The following CTSA variants were observed in gnomAD, a reference collection of about 807,000 sequenced individuals.
CTSA encodes lysosomal protective protein.
A neutral mutation model predicts 66.7 loss-of-function variants in CTSA; 42 were observed. The ratio of observed to expected loss-of-function variants is 0.63; its 90% CI spans 0.49 to 0.81. The LOEUF (loss-of-function observed/expected upper bound fraction) is 0.81. CTSA is among the 40% of genes least tolerant of loss of function. The probability of loss-of-function intolerance (pLI) is 0.00; values close to 1 mark genes in which losing one functional copy is unlikely to be tolerated. For missense variants in CTSA, 525 were observed against 610.9 expected (o/e 0.86, Z 1.48); for synonymous variants, 225 against 248.6 (o/e 0.91, Z 0.89).
rs951267740 is a variant in CTSA at position 45,898,628 on chromosome 20, C to T, written c.*178C>T. The T allele has an allele frequency of 4.1e-6, 3 of 725,556 alleles. No homozygotes were observed. In the African/African-American group the frequency reaches 5.2e-5, roughly 13 times the overall value. The allele number at this position is 725,556 out of a possible 1,614,324, so 44.9% of individuals were successfully genotyped here. ...GGGTCTCCCATAGACAGCCTGGGGG[C>T]AAGTTAGCACTTTATTCCCGCAGCA... On this transcript the variant is annotated 3_prime_UTR_variant, in exon 15 of 15. Transcript: ENST00000646241. The surrounding 1 kb of genome is among the most constrained non-coding windows in gnomAD (Gnocchi z 4.6).
Position 45,891,690 on chromosome 20 carries a change from T to G in CTSA, c.122T>G (p.Leu41Arg). 1 of 1,613,232 alleles carries G rather than the reference T, an allele frequency of 6.2e-7. No homozygotes were observed. Residue 41 changes from leucine (L) to arginine (R), a missense_variant, in exon 2 of 15, where the codon CTG becomes CGG. This residue lies in a region of CTSA where 246 missense variants were observed against 267.4 expected (regional missense o/e 0.92). Transcript: ENST00000646241. This position sits in a 1 kb window ranked among gnomAD's most constrained non-coding sequence, Gnocchi z 4.6. The part of the protein sequence containing the change: ...DQDEIQRLPG[L>R]AKQPSFRQYS... ...GACGAGATCCAGCGCCTCCCCGGGCTGGCCAAGCAGCCGTCTTTCCGCCAG... is the reference window on the plus strand; with the variant it reads ...GACGAGATCCAGCGCCTCCCCGGGCGGGCCAAGCAGCCGTCTTTCCGCCAG...
At chr20:45,895,663 CT>C (rs2083097106) in intron 11 of CTSA, among the ~76,000 whole-genome samples, 1 of 152,118 alleles carries the variant, frequency 6.6e-6, no homozygotes, top group Admixed American at 6.6e-5. Flanking sequence ...TCACTACAGC[CT>C]CAACCTCCTA....
chr20:45,895,370 G>C (rs1053264730), intron 11 of CTSA: 11 of 517,274 alleles, frequency 2.1e-5, no homozygotes, highest in African/African-American at 1.9e-4. Flanking sequence ...ACCTAGGCTG[G>C]AGTGCAGTGG....
chr20:45,898,040 C>CG lies in CTSA; in HGVS notation c.1294dup (p.Asp432GlyfsTer60). ...AGCGCCGGCCCTGGTTAGTGAAGTA[C>CG]GGGGACAGCGGGGAGCAGATTGCCG... On this transcript the variant is annotated frameshift_variant, in exon 14 of 15. Transcript: ENST00000646241. LOFTEE classifies it high-confidence loss of function. This position sits in a 1 kb window ranked among gnomAD's most constrained non-coding sequence, Gnocchi z 4.6. 6.2e-7 allele frequency: 1 copy of CG among 1,614,004 alleles called. No homozygotes were observed. Among genetic ancestry groups the CG allele is most frequent in the Non-Finnish European group, 8.5e-7 (1 of 1,179,990 alleles).
Position 45,898,408 on chromosome 20 carries a change from C to G in CTSA, c.1401C>G (p.Ala467=). The change falls in exon 15 of 15, where the codon GCC becomes GCG. Residue 467 remains alanine (A), a synonymous_variant. Coordinates refer to ENST00000646241, the MANE Select transcript of CTSA (RefSeq NM_000308.4). The surrounding 1 kb of genome is among the most constrained non-coding windows in gnomAD (Gnocchi z 4.6). The part of the protein sequence containing the change: ...HMVPTDKPLA[A]FTMFSRFLNK... The stretch of plus-strand genomic sequence containing the variant: ...TTCCCACCGACAAGCCCCTCGCTGC[C>G]TTCACCATGTTCTCCCGCTTCCTGA... 4.3e-6 allele frequency: 7 copies of G among 1,614,074 alleles called. No individual in the cohort carries two copies. The highest frequency in any genetic ancestry group is 5.9e-6 in the Non-Finnish European group (7 of 1,179,994).
Position 45,891,598 on chromosome 20 carries a change from CCTGCTG to C in CTSA, c.51_56del (p.Leu18_Leu19del), listed in dbSNP as rs72555383. On this transcript the variant is annotated inframe_deletion, in exon 2 of 15. Transcript: ENST00000646241. The surrounding 1 kb of genome is among the most constrained non-coding windows in gnomAD (Gnocchi z 4.6). ...TCCGAGCCGCGCCGCCGCCGCTGTT[CCTGCTG>C]CTGCTGCTGCTGCTGCTGCTAGTGT... is the stretch of plus-strand genomic sequence containing the variant. 6.8e-5 allele frequency: 102 copies of C among 1,506,492 alleles called. No homozygotes were observed. Among genetic ancestry groups the C allele is most frequent in the Middle Eastern group, 1.7e-4 (1 of 5,784 alleles). 93.3% of individuals were successfully genotyped at this position (1,506,492 alleles called of 1,614,324 possible).
Position 45,892,710 on chromosome 20 carries a change from C to T in CTSA, c.445-15C>T, listed in dbSNP as rs755960781. ...AAGCTTCCTGATTCCCTCTGTCTTG[C>T]TCTGCCATCCCCAGGTCGCCCAGAG... On this transcript the variant is annotated splice_polypyrimidine_tract_variant and intron_variant, in intron 5 of 14. Coordinates refer to ENST00000646241, the MANE Select transcript of CTSA (RefSeq NM_000308.4). 1.2e-6 allele frequency: 2 copies of T among 1,614,198 alleles called. No homozygotes were observed. The highest frequency in any genetic ancestry group is 2.2e-5 in the East Asian group (1 of 44,888).
intron 11 of CTSA, among the ~76,000 whole-genome samples, chr20:45,895,532 T>A (rs1987207823): frequency 3.3e-5 from 5 of 152,116 alleles, no homozygotes; most frequent in Admixed American, 3.3e-4. Context: ...AGGCTGGTTT[T>A]GAACTCTGGG....
intron 11 of CTSA, chr20:45,896,587 C>T (rs1300895172): frequency 1.9e-5 from 6 of 314,358 alleles, no homozygotes; most frequent in African/African-American, 1.3e-4. Context: ...CACGCACCAC[C>T]ACGCCTGGCT....
Position 45,891,815 on chromosome 20 carries a change from G to A in CTSA, c.194+53G>A. ...TTGGGAGAAGAGATGACGGATGAGG[G>A]ATGGGGGGTAGTTCTGCAGACCCCT... On this transcript the variant is annotated intron_variant, in intron 2 of 14. Coordinates refer to ENST00000646241, the MANE Select transcript of CTSA (RefSeq NM_000308.4). The surrounding 1 kb of genome is among the most constrained non-coding windows in gnomAD (Gnocchi z 4.6). 6.2e-7 allele frequency: 1 copy of A among 1,612,506 alleles called. No homozygotes were observed. The highest frequency in any genetic ancestry group is 1.3e-5 in the African/African-American group (1 of 75,034).
Position 45,898,529 on chromosome 20 carries a change from G to A in CTSA, c.*79G>A. 1 of 1,413,882 alleles carries A rather than the reference G, an allele frequency of 7.1e-7. No homozygotes were observed. Among genetic ancestry groups the A allele is most frequent in the East Asian group, 2.4e-5 (1 of 42,378 alleles). The allele number at this position is 1,413,882 out of a possible 1,614,324, so 87.6% of individuals were successfully genotyped here. ...CTAGGAGAGTCCTCTTCTAAGCAAA[G>A]TGCCCCTGCAGGCCGGGTTCTGCCG... On this transcript the variant is annotated 3_prime_UTR_variant, in exon 15 of 15. Transcript: ENST00000646241. The surrounding 1 kb of genome is among the most constrained non-coding windows in gnomAD (Gnocchi z 4.6).
chr20:45,894,232 CCCA>C (rs1987120221), intron 8 of CTSA, 160 bp downstream of exon 8: 1 of 696,152 alleles, frequency 1.4e-6, no homozygotes, highest in African/African-American at 1.8e-5. Context: ...AGTGTGTATT[CCCA>C]CCACCACCTC....
Position 45,898,671 on chromosome 20 carries a change from C to T in CTSA, c.*221C>T. 1.5e-6 allele frequency: 1 copy of T among 671,402 alleles called. No individual in the cohort carries two copies. Among genetic ancestry groups the T allele is most frequent in the Non-Finnish European group, 2.6e-6 (1 of 382,832 alleles). The allele number at this position is 671,402 out of a possible 1,614,324, so 41.6% of individuals were successfully genotyped here. A position where few individuals can be genotyped will look rare whatever the true frequency, so the allele number is the denominator to read the frequency against. ...CCGCAGCAGTTCCTGAATGGGGTGGCCTGGCCCCTTCTCTGCTTAAAGAAT... is the reference window on the plus strand; with the variant it reads ...CCGCAGCAGTTCCTGAATGGGGTGGTCTGGCCCCTTCTCTGCTTAAAGAAT... On this transcript the variant is annotated 3_prime_UTR_variant, in exon 15 of 15. Coordinates refer to ENST00000646241, the MANE Select transcript of CTSA (RefSeq NM_000308.4). The surrounding 1 kb of genome is among the most constrained non-coding windows in gnomAD (Gnocchi z 4.6).
rs762371993 is a variant in CTSA at position 45,898,002 on chromosome 20, C to A, written c.1255-3C>A. 1.9e-6 allele frequency: 3 copies of A among 1,613,948 alleles called. No homozygotes were observed. In the Admixed American group the frequency reaches 5.0e-5, roughly 27 times the overall value. On this transcript the variant is annotated splice_region_variant and splice_polypyrimidine_tract_variant and intron_variant, in intron 13 of 14. Transcript: ENST00000646241. The surrounding 1 kb of genome is among the most constrained non-coding windows in gnomAD (Gnocchi z 4.6). ...TAGGCTGATGTCTTTCCTGGTGGGG[C>A]AGATGGAGGTGCAGCGCCGGCCCTG...
chr20:45,898,287 G>A lies in CTSA; in HGVS notation c.1360-80G>A. 2.9e-6 allele frequency: 4 copies of A among 1,396,924 alleles called. No individual in the cohort carries two copies. The South Asian group carries it at 4.8e-5, about 17-fold the overall frequency. The allele number at this position is 1,396,924 out of a possible 1,614,324, so 86.5% of individuals were successfully genotyped here. A position where few individuals can be genotyped will look rare whatever the true frequency, so the allele number is the denominator to read the frequency against. Reference sequence around the variant, plus strand: ...CTGGGAAGAATAAAGGGTTTGGGATGAAGGAATTGCCCCCGAGTGAGCAGT... The same window carrying A: ...CTGGGAAGAATAAAGGGTTTGGGATAAAGGAATTGCCCCCGAGTGAGCAGT... On this transcript the variant is annotated intron_variant, in intron 14 of 14. Coordinates refer to ENST00000646241, the MANE Select transcript of CTSA (RefSeq NM_000308.4). The surrounding 1 kb of genome is among the most constrained non-coding windows in gnomAD (Gnocchi z 4.6).
At chr20:45,894,126 A>G (rs2145818103) in intron 8 of CTSA, 54 bp downstream of exon 8, 1 of 1,243,690 alleles carries the variant, frequency 8.0e-7, no homozygotes, top group Non-Finnish European at 1.2e-6. Flanking sequence ...TCCTGAGAAC[A>G]GGACCACATT....
intron 13 of CTSA, 85 bp from the exon 14 acceptor site, chr20:45,897,920 G>T: frequency 6.4e-7 from 1 of 1,555,596 alleles, no homozygotes; most frequent in Non-Finnish European, 8.9e-7. Flanking sequence ...GGCAAGTGTG[G>T]AGGAATTCCC....
chr20:45,894,967 C>G (rs1460299063), intron 10 of CTSA, 27 bp from the exon 11 acceptor site: 1 of 1,614,108 alleles, frequency 6.2e-7, no homozygotes, highest in South Asian at 1.1e-5. Flanking sequence ...GAAGCAGAGG[C>G]CCTGACCCAC....
chr20:45,892,833 C>T lies in CTSA; in HGVS notation c.553C>T (p.Pro185Ser). The T allele has an allele frequency of 1.2e-6, 2 of 1,614,156 alleles. No individual in the cohort carries two copies. Among genetic ancestry groups the T allele is most frequent in the Non-Finnish European group, 8.5e-7 (1 of 1,180,020 alleles). Residue 185 changes from proline (P) to serine (S), a missense_variant, in exon 6 of 15, where the codon CCC (proline) becomes TCC (serine). Coordinates refer to ENST00000646241, the MANE Select transcript of CTSA (RefSeq NM_000308.4). The part of the protein sequence containing the change: ...TGESYAGIYI[P>S]TLAVLVMQDP... Reference sequence around the variant, plus strand: ...GGAGAGCTATGCTGGCATCTACATCCCCACCCTGGCCGTGCTGGTCATGCA... The same window carrying T: ...GGAGAGCTATGCTGGCATCTACATCTCCACCCTGGCCGTGCTGGTCATGCA...
Sources: gnomAD v4.1 joint callset for allele counts (sites outside exome capture counted in the v4.1 genomes callset) on GRCh38, gnomAD v4.1.1 for gene constraint, gnomAD v4.1.1 regional missense constraint, Gnocchi (gnomAD v3.1) non-coding constraint, MANE v1.5 for transcripts, NCBI Gene and HGNC (gene_info 2026-07-23, HGNC 2026-07-21) for gene names.